Variants in FMNL2 observed in about 807,000 individuals in gnomAD.
FMNL2 encodes the protein formin like 2.
FMNL2 carries 51 observed loss-of-function variants against 130.2 expected under a neutral mutation model. The ratio of observed to expected loss-of-function variants is 0.39; its 90% CI spans 0.31 to 0.49. FMNL2 has a LOEUF of 0.49. Ranked by LOEUF, FMNL2 falls within the 20% of genes least tolerant of loss-of-function variation. The pLI is 0.85. For synonymous variants in FMNL2, 465 were observed against 467.1 expected, an observed-to-expected ratio of 1.00 and a Z score of 0.06; for missense variants, 977 against 1,316.2, an observed-to-expected ratio of 0.74 and a Z score of 3.99.
chr2:152,336,718 A>G (rs1681483737), intron 1 of FMNL2, among the ~76,000 whole-genome samples: 3 of 152,004 alleles, frequency 2.0e-5, no homozygotes, highest in African/African-American at 7.3e-5. Context: ...GCCTCTTCTA[A>G]GGGATGTTGG....
At chr2:152,540,229 T>C (rs1214585597) in intron 2 of FMNL2, among the ~76,000 whole-genome samples, 3 of 152,184 alleles carry the variant, frequency 2.0e-5, no homozygotes, top group Non-Finnish European at 4.4e-5. Context: ...CATCAGTTCA[T>C]TTTTCTGAGC....
chr2:152,640,151 CCCAGGATCCTGA>C, intron 24 of FMNL2, 95 bp downstream of exon 24: 1 of 1,069,340 alleles, frequency 9.4e-7, no homozygotes, highest in Non-Finnish European at 1.3e-6. Flanking sequence ...GCCAGGTGTG[CCCAGGATCCTGA>C]CCACTTCCTT....
chr2:152,349,836 T>G (rs1202876244), intron 1 of FMNL2, among the ~76,000 whole-genome samples: 1 of 152,244 alleles, frequency 6.6e-6, no homozygotes, highest in African/African-American at 2.4e-5. Context: ...GCTGCACTTT[T>G]CATTCTACAT....
In FMNL2 at chr2:152,495,665, AAAG is replaced by A. The variant is rs1369319320; in HGVS notation, c.118-26276_118-26274del. Among the ~76,000 whole-genome samples the A allele has an allele frequency of 3.3e-5, 5 of 149,660 alleles. 1 individual carries two copies. In the East Asian group the frequency reaches 9.7e-4, roughly 29 times the overall value. ...GACTCCGTCTCACCAAAAAAAAAAA[AAAG>A]ATTTTTTTCATGCCCTAAAAGCTTT... On this transcript the variant is annotated intron_variant, in intron 1 of 25. Transcript: ENST00000288670.
chr2:152,520,910 C>A (rs527959691), intron 1 of FMNL2, among the ~76,000 whole-genome samples: 95 of 152,274 alleles, frequency 6.2e-4, no homozygotes, highest in African/African-American at 2.0e-3. Flanking sequence ...ATTAAAAGTT[C>A]AAGACCTTTG....
chr2:152,589,203 T>C (rs901309232), intron 9 of FMNL2, among the ~76,000 whole-genome samples: 5 of 152,102 alleles, frequency 3.3e-5, no homozygotes, highest in African/African-American at 7.2e-5. Flanking sequence ...GATGCTTTGC[T>C]TCACAACTTG....
intron 1 of FMNL2, among the ~76,000 whole-genome samples, chr2:152,370,919 T>C (rs1683838178): frequency 1.3e-5 from 2 of 152,226 alleles, no homozygotes; most frequent in African/African-American, 4.8e-5. Flanking sequence ...AATCATATGA[T>C]GGCTTGACCG....
At position 152,500,789 on chromosome 2, in the gene FMNL2, G is replaced by T. The variant is rs1025297955; in HGVS notation, c.118-21154G>T. On this transcript the variant is annotated intron_variant, in intron 1 of 25. Coordinates refer to ENST00000288670, the MANE Select transcript of FMNL2 (RefSeq NM_052905.4). Reference sequence around the variant, plus strand: ...CTTGAACCCCAGCGAGGCAGAGGTTGCAGTGAGCCGAGATCACACCACTTC... The same window carrying T: ...CTTGAACCCCAGCGAGGCAGAGGTTTCAGTGAGCCGAGATCACACCACTTC... Among the ~76,000 whole-genome samples, 5 of 152,150 alleles carry T rather than the reference G, an allele frequency of 3.3e-5. No individual in the cohort carries two copies. The South Asian group carries it at 6.2e-4, about 19-fold the overall frequency.
rs1378793435 is a variant in FMNL2, at chr2:152,648,355, GGAA to G, written c.*455_*457del. On this transcript the variant is annotated 3_prime_UTR_variant, in exon 26 of 26. Transcript: ENST00000288670. ...CAACTTTGTATTTTACTTGCAATTTGGAAGAAGGAAAGTCACATGATGAAACTC... is the reference window on the plus strand; with the variant it reads ...CAACTTTGTATTTTACTTGCAATTTGGAAGGAAAGTCACATGATGAAACTC... 1 of 154,778 alleles carries G rather than the reference GGAA, an allele frequency of 6.5e-6. No individual in the cohort carries two copies. Among genetic ancestry groups the G allele is most frequent in the Non-Finnish European group, 1.4e-5 (1 of 69,540 alleles). 9.6% of individuals were successfully genotyped at this position (154,778 alleles called of 1,614,324 possible). A position where few individuals can be genotyped will look rare whatever the true frequency, so the allele number is the denominator to read the frequency against.
rs1391181503 is a variant in FMNL2 at position 152,404,906 on chromosome 2, T to C, written c.117+69186T>C. Among the ~76,000 whole-genome samples, 6 of 152,148 alleles carry C rather than the reference T, an allele frequency of 3.9e-5. No individual in the cohort carries two copies. In the East Asian group the frequency reaches 1.2e-3, roughly 29 times the overall value. On this transcript the variant is annotated intron_variant, in intron 1 of 25. Transcript: ENST00000288670. Reference sequence around the variant, plus strand: ...TCTATCTACAAGTTGATTTTTGTCTTAAGATAAGCAGAGCCTCCCTACAAC... The same window carrying C: ...TCTATCTACAAGTTGATTTTTGTCTCAAGATAAGCAGAGCCTCCCTACAAC...
At chr2:152,594,379 T>C (rs1697641988) in intron 9 of FMNL2, among the ~76,000 whole-genome samples, 1 of 152,224 alleles carries the variant, frequency 6.6e-6, no homozygotes, top group African/African-American at 2.4e-5. Context: ...ACTGACATGT[T>C]TGAGGCCAGT....
At chr2:152,377,619 G>A (rs931381188) in intron 1 of FMNL2, among the ~76,000 whole-genome samples, 1 of 152,192 alleles carries the variant, frequency 6.6e-6, no homozygotes, top group African/African-American at 2.4e-5. Flanking sequence ...GATAGAACAT[G>A]TATGTCATCA....
chr2:152,455,244 G>C (rs1299180779), intron 1 of FMNL2, among the ~76,000 whole-genome samples: 1 of 152,174 alleles, frequency 6.6e-6, no homozygotes, highest in Admixed American at 6.5e-5. Context: ...CTTGGAAAGG[G>C]TGGGAACAGG....
chr2:152,602,165 A>AG (rs1698114259), intron 9 of FMNL2, among the ~76,000 whole-genome samples: 1 of 152,166 alleles, frequency 6.6e-6, no homozygotes. Context: ...AGGTGCAAAG[A>AG]GAGGCAGTTG....
chr2:152,491,848 G>A lies in FMNL2; in HGVS notation c.118-30095G>A, dbSNP rs867680688. On this transcript the variant is annotated intron_variant, in intron 1 of 25. Coordinates refer to ENST00000288670, the MANE Select transcript of FMNL2 (RefSeq NM_052905.4). The stretch of plus-strand genomic sequence containing the variant: ...CACCTGGAATCCCAGCTACTCGGGG[G>A]GTTGAGGCAGGAGAATCGCCTGAAC... Among the ~76,000 whole-genome samples, 6 of 152,232 alleles carry A rather than the reference G, an allele frequency of 3.9e-5. No individual in the cohort carries two copies. In the South Asian group the frequency reaches 1.2e-3, roughly 32 times the overall value.
intron 1 of FMNL2, among the ~76,000 whole-genome samples, chr2:152,430,275 C>G (rs1258794822): frequency 6.6e-6 from 1 of 152,176 alleles, no homozygotes; most frequent in Non-Finnish European, 1.5e-5. Flanking sequence ...TTAGAACTTG[C>G]GACCAGGCTA....
chr2:152,574,451 AAAAG>A (rs1209472780), intron 6 of FMNL2, among the ~76,000 whole-genome samples: 1 of 148,690 alleles, frequency 6.7e-6, no homozygotes, highest in African/African-American at 2.5e-5. Flanking sequence ...AAAAAAAAAA[AAAAG>A]AAAAGAAACA....
intron 1 of FMNL2, among the ~76,000 whole-genome samples, chr2:152,467,565 C>T (rs920846523): frequency 5.3e-5 from 8 of 152,144 alleles, no homozygotes; most frequent in African/African-American, 1.9e-4. Flanking sequence ...TACGCTGCAT[C>T]TTTTGATGCC....
chr2:152,343,388 T>TAGG (rs1681923801), intron 1 of FMNL2, among the ~76,000 whole-genome samples: 2 of 152,162 alleles, frequency 1.3e-5, no homozygotes, highest in African/African-American at 4.8e-5. Flanking sequence ...CTCTGCCTCC[T>TAGG]GGGTTCAAGC....
Sources: allele counts gnomAD v4.1 joint callset (sites outside exome capture counted in the v4.1 genomes callset), GRCh38; gene constraint gnomAD v4.1.1; transcripts MANE v1.5; gene names NCBI Gene and HGNC (gene_info 2026-07-23, HGNC 2026-07-21).